DCDC2: variants seen among roughly 807,000 people sequenced by gnomAD.
DCDC2 encodes doublecortin domain containing 2, also known as doublecortin domain-containing protein 2.
A neutral mutation model predicts 50.2 loss-of-function variants in DCDC2; 40 were observed. The observed-to-expected ratio is 0.80, with a 90% CI of 0.62 to 1.04. DCDC2 has a LOEUF of 1.04. Among genes scored for constraint, DCDC2 ranks in the 50% least tolerant of loss-of-function variants. The probability of loss-of-function intolerance (pLI) is 0.00; values close to 1 mark genes in which losing one functional copy is unlikely to be tolerated. For missense variants in DCDC2, 570 were observed against 581.9 expected, an observed-to-expected ratio of 0.98 and a Z score of 0.21; for synonymous variants, 234 against 210.6, an observed-to-expected ratio of 1.11 and a Z score of -0.96.
chr6:24,278,102 T>A lies in DCDC2; in HGVS notation c.869A>T (p.Lys290Ile). 1 of 1,613,838 alleles carries A rather than the reference T, an allele frequency of 6.2e-7. No homozygotes were observed. The highest frequency in any genetic ancestry group is 8.5e-7 in the Non-Finnish European group (1 of 1,179,836). ...KEDVNSEKLT[K>I]LKQNVKLKNS... is the part of the protein sequence containing the mutation. Reference sequence around the variant, plus strand: ...CTTTAATTTTACATTTTGTTTCAATTTCGTCAGTTTTTCTGAATTCACGTC... The same window carrying A: ...CTTTAATTTTACATTTTGTTTCAATATCGTCAGTTTTTCTGAATTCACGTC... Residue 290 changes from lysine to isoleucine, a missense_variant, in exon 7 of 10, where the codon AAA becomes ATA. Transcript: ENST00000378454.
At chr6:24,274,605 C>CAAAAAAAAAAAAAAAAAAAAAG (rs1763308630) in intron 7 of DCDC2, among the ~76,000 whole-genome samples, 1 of 82,404 alleles carries the variant, frequency 1.2e-5, no homozygotes, top group Non-Finnish European at 2.3e-5. Flanking sequence ...GAAACAGAGT[C>CAAAAAAAAAAAAAAAAAAAAAG]AAAAAAAAAA....
chr6:24,236,657 C>T (rs139110973), intron 7 of DCDC2, among the ~76,000 whole-genome samples: 15 of 152,178 alleles, frequency 9.9e-5, no homozygotes, highest in African/African-American at 3.6e-4. Flanking sequence ...GAAAGCCTAA[C>T]ATCTTGAATT....
rs1760234627 is a variant in DCDC2 at position 24,345,288 on chromosome 6, G to A, written c.348+8281C>T. Among the ~76,000 whole-genome samples the A allele has an allele frequency of 2.0e-5, 3 of 152,140 alleles. No individual in the cohort carries two copies. In the South Asian group the frequency reaches 6.2e-4, roughly 32 times the overall value. On this transcript the variant is annotated intron_variant, in intron 2 of 9. Transcript: ENST00000378454. Reference sequence around the variant, plus strand: ...TCCCGTTCCCAACCAAAGCCTTTAAGTAGGAAATCCTATAGTATGTTTCAT... The same window carrying A: ...TCCCGTTCCCAACCAAAGCCTTTAAATAGGAAATCCTATAGTATGTTTCAT...
chr6:24,281,705 C>T (rs1233792918), intron 6 of DCDC2, among the ~76,000 whole-genome samples: 5 of 151,934 alleles, frequency 3.3e-5, no homozygotes, highest in African/African-American at 9.7e-5. Flanking sequence ...GTAAGGCTTC[C>T]ACATGTGACT....
chr6:24,237,015 A>AC (rs1762455680), intron 7 of DCDC2, among the ~76,000 whole-genome samples: 1 of 151,946 alleles, frequency 6.6e-6, no homozygotes, highest in Admixed American at 6.6e-5. Flanking sequence ...GACTCAAAAA[A>AC]AAAAAGAAGA....
intron 7 of DCDC2, among the ~76,000 whole-genome samples, chr6:24,232,399 T>C (rs1279336033): frequency 6.6e-6 from 1 of 152,226 alleles, no homozygotes; most frequent in Non-Finnish European, 1.5e-5. Flanking sequence ...CTGTCTTACT[T>C]GCAAGTTCGC....
the DCDC2 span, among the ~76,000 whole-genome samples, chr6:24,381,836 AAGGAAGGAAGGAAG>A: frequency 1.4e-5 from 2 of 145,436 alleles, no homozygotes; most frequent in Non-Finnish European, 3.0e-5. Flanking sequence ...GGAAGGAAGG[AAGGAAGGAAGGAAG>A]GAAGGAAGGA....
At position 24,317,635 on chromosome 6, in the gene DCDC2, T is replaced by C. The variant is rs374490421; in HGVS notation, c.349-15591A>G. 2.0e-5 allele frequency among the ~76,000 whole-genome samples: 3 copies of C among 152,046 alleles called. No homozygotes were observed. The East Asian group carries it at 5.8e-4, about 29-fold the overall frequency. ...CCATATCCAGAGGCAATAAGCTGGATAAATTTGACTAACATAAAAACAAAA... is the reference window on the plus strand; with the variant it reads ...CCATATCCAGAGGCAATAAGCTGGACAAATTTGACTAACATAAAAACAAAA... On this transcript the variant is annotated intron_variant, in intron 2 of 9. Coordinates refer to ENST00000378454, the MANE Select transcript of DCDC2 (RefSeq NM_016356.5).
At chr6:24,347,669 C>G (rs1372635301) in intron 2 of DCDC2, among the ~76,000 whole-genome samples, 1 of 152,158 alleles carries the variant, frequency 6.6e-6, no homozygotes, top group South Asian at 2.1e-4. Context: ...TCAGGGGGTA[C>G]TGGAAACAAT....
intron 2 of DCDC2, among the ~76,000 whole-genome samples, chr6:24,326,962 T>C (rs1490319356): frequency 6.7e-6 from 1 of 149,546 alleles, no homozygotes; most frequent in African/African-American, 2.4e-5. Flanking sequence ...CCCAGATAGA[T>C]GGGCTCACTT....
intron 7 of DCDC2, among the ~76,000 whole-genome samples, chr6:24,262,582 G>A (rs960242506): frequency 1.8e-4 from 28 of 152,154 alleles, no homozygotes; most frequent in African/African-American, 5.3e-4. Flanking sequence ...AGTACAGCTC[G>A]CAGCTTTGGG....
At chr6:24,241,919 T>C (rs1224308450) in intron 7 of DCDC2, among the ~76,000 whole-genome samples, 2 of 152,292 alleles carry the variant, frequency 1.3e-5, no homozygotes, top group Middle Eastern at 3.4e-3. Flanking sequence ...TGCCTATAAT[T>C]CCAGCACTTT....
chr6:24,278,030 A>G lies in DCDC2; in HGVS notation c.922+19T>C, dbSNP rs555636841. Reference sequence around the variant, plus strand: ...ATTAAAATTGTATCACAGCCTTAAGATAATAATAACACACTTACCACTATT... The same window carrying G: ...ATTAAAATTGTATCACAGCCTTAAGGTAATAATAACACACTTACCACTATT... On this transcript the variant is annotated intron_variant, in intron 7 of 9. Coordinates refer to ENST00000378454, the MANE Select transcript of DCDC2 (RefSeq NM_016356.5). 1.8e-5 allele frequency: 29 copies of G among 1,582,780 alleles called. 1 individual carries two copies. The South Asian group carries it at 3.2e-4, about 17-fold the overall frequency.
intron 2 of DCDC2, among the ~76,000 whole-genome samples, chr6:24,305,557 A>G (rs2113841006): frequency 6.6e-6 from 1 of 152,302 alleles, no homozygotes; most frequent in African/African-American, 2.4e-5. Flanking sequence ...ATTAAACCAA[A>G]TCAACTGGGT....
intron 7 of DCDC2, among the ~76,000 whole-genome samples, chr6:24,211,105 C>T (rs1761858944): frequency 6.6e-6 from 1 of 152,192 alleles, no homozygotes; most frequent in African/African-American, 2.4e-5. Context: ...CAGTTTCCAC[C>T]AAAGTGTAAG....
intron 4 of DCDC2, among the ~76,000 whole-genome samples, chr6:24,298,849 G>A (rs984101119): frequency 6.6e-6 from 1 of 152,162 alleles, no homozygotes; most frequent in African/African-American, 2.4e-5. Flanking sequence ...GCAATTGGCA[G>A]TATCTATCAA....
the DCDC2 span, among the ~76,000 whole-genome samples, chr6:24,365,040 G>A: frequency 1.3e-5 from 2 of 152,138 alleles, no homozygotes; most frequent in Admixed American, 6.5e-5. Context: ...CATGGGTAAC[G>A]GTGACTCTCT....
In DCDC2 at chr6:24,291,036, C is replaced by T; in HGVS notation, c.600G>A (p.Glu200=). The change falls in exon 5 of 10, where the codon GAG becomes GAA. Residue 200 remains glutamate (E), a synonymous_variant. Transcript: ENST00000378454. ...CCACATAAAACTGCCCATTCTCCAA[C>T]TCTGCTCCACTCTCAACAAGTTTTC... ...LEGKLVESGA[E]LENGQFYVAV... 1.2e-6 allele frequency: 2 copies of T among 1,613,910 alleles called. No individual in the cohort carries two copies. The highest frequency in any genetic ancestry group is 4.5e-5 in the East Asian group (2 of 44,862).
At chr6:24,358,152 A>C, upstream of DCDC2, 7 of 479,244 alleles carry the variant, frequency 1.5e-5, no homozygotes, top group East Asian at 6.7e-5. Context: ...ACACACAAAT[A>C]TGGTGAAACC....
Sources: gnomAD v4.1 joint callset for allele counts (sites outside exome capture counted in the v4.1 genomes callset) on GRCh38, gnomAD v4.1.1 for gene constraint, MANE v1.5 for transcripts, NCBI Gene and HGNC (gene_info 2026-07-23, HGNC 2026-07-21) for gene names.